The following BMP1 variants were observed in gnomAD, a reference collection of about 807,000 sequenced individuals.
The protein encoded by BMP1 is bone morphogenetic protein 1.
Under a neutral mutation model 116.8 loss-of-function variants are expected in BMP1, and 63 were observed. The observed-to-expected ratio is 0.54, with a 90% CI of 0.44 to 0.67. The LOEUF (loss-of-function observed/expected upper bound fraction) is 0.67. Ranked by LOEUF, BMP1 falls within the 30% of genes least tolerant of loss-of-function variation. BMP1 has a pLI of 0.00. For synonymous variants in BMP1, 536 were observed against 533.4 expected, an observed-to-expected ratio of 1.00 and a Z score of -0.07; for missense variants, 1,183 against 1,358.9, an observed-to-expected ratio of 0.87 and a Z score of 2.04.
chr8:22,200,510 C>T (rs1253697206), intron 15 of BMP1, among the ~76,000 whole-genome samples: 1 of 152,096 alleles, frequency 6.6e-6, no homozygotes, highest in Non-Finnish European at 1.5e-5. Context: ...AGTGAGGATG[C>T]GTATGTGGTT....
In BMP1 at chr8:22,177,210, G is replaced by C. The variant is rs1449234615; in HGVS notation, c.730+71G>C. ...CCAGCCCCCACCTCCAGGACCCCTG[G>C]GGGCAGTGGCAGCCGCTCCAGCCAG... On this transcript the variant is annotated intron_variant, in intron 5 of 19. Transcript: ENST00000306385. 3.4e-6 allele frequency: 5 copies of C among 1,457,074 alleles called. No individual in the cohort carries two copies. The African/African-American group carries it at 5.6e-5, about 16-fold the overall frequency. The allele number at this position is 1,457,074 out of a possible 1,614,324, so 90.3% of individuals were successfully genotyped here. A position where few individuals can be genotyped will look rare whatever the true frequency, so the allele number is the denominator to read the frequency against.
chr8:22,184,149 GGATGTACA>G (rs1450164582), intron 8 of BMP1, among the ~76,000 whole-genome samples: 3 of 152,212 alleles, frequency 2.0e-5, no homozygotes, highest in Admixed American at 6.5e-5. Context: ...CAGCCACCAG[GGATGTACA>G]GATGCACAAG....
chr8:22,179,915 C>T lies in BMP1; in HGVS notation c.961+86C>T, dbSNP rs1828563038. The T allele has an allele frequency of 7.2e-7, 1 of 1,396,434 alleles. No individual in the cohort carries two copies. The highest frequency in any genetic ancestry group is 2.4e-5 in the East Asian group (1 of 42,070). The allele number at this position is 1,396,434 out of a possible 1,614,324, so 86.5% of individuals were successfully genotyped here. On this transcript the variant is annotated intron_variant, in intron 7 of 19. Coordinates refer to ENST00000306385, the MANE Select transcript of BMP1 (RefSeq NM_006129.5). This position sits in a 1 kb window ranked among gnomAD's most constrained non-coding sequence, Gnocchi z 4.6. ...CAGGTGCCTGGTGCCACCAAGAAGG[C>T]TTAGGCTGCAAGTCTTAGAGAATGG...
chr8:22,174,899 G>A (rs1828389050), intron 2 of BMP1, among the ~76,000 whole-genome samples: 2 of 152,040 alleles, frequency 1.3e-5, no homozygotes. Context: ...CTCCCAAAGT[G>A]CTGGAATTAC....
rs746318138 is a variant in BMP1, at chr8:22,201,953, C to T, written c.2233+25C>T. 9 of 1,598,828 alleles carry T rather than the reference C, an allele frequency of 5.6e-6. No homozygotes were observed. The South Asian group carries it at 6.8e-5, about 12-fold the overall frequency. On this transcript the variant is annotated intron_variant, in intron 16 of 19. Transcript: ENST00000306385. ...GGTACGGGCTGCATGCCAGGGGCATCTGGGCTTGAAGGACCTGCTGCTGGG... is the reference window on the plus strand; with the variant it reads ...GGTACGGGCTGCATGCCAGGGGCATTTGGGCTTGAAGGACCTGCTGCTGGG...
At chr8:22,211,473 C>A in intron 19 of BMP1, 121 bp from the exon 20 acceptor site, 1 of 1,374,192 alleles carries the variant, frequency 7.3e-7, no homozygotes. Context: ...CTTCAAGGGG[C>A]GGGGAGAATC....
rs201334369 is a variant in BMP1, at chr8:22,176,325, A to G, written c.433+12A>G. ...GGGAAACTTCACTGGTGAGCGTGCT[A>G]TTGTGGGTCCCAGAGTGTAACCAGC... is the stretch of plus-strand genomic sequence containing the variant. On this transcript the variant is annotated intron_variant, in intron 3 of 19. Coordinates refer to ENST00000306385, the MANE Select transcript of BMP1 (RefSeq NM_006129.5). The G allele has an allele frequency of 4.7e-4, 751 of 1,583,708 alleles. 7 individuals are homozygous for G. Among genetic ancestry groups the G allele is most frequent in the South Asian group, 4.6e-3 (391 of 85,822 alleles).
In BMP1 at chr8:22,194,715, G is replaced by A. The variant is rs761796740; in HGVS notation, c.1444-9G>A. On this transcript the variant is annotated splice_polypyrimidine_tract_variant and intron_variant, in intron 11 of 19. Transcript: ENST00000306385. The surrounding 1 kb of genome is among the most constrained non-coding windows in gnomAD (Gnocchi z 4.5). ...GAGCCCCTTCCACTGATGAAGCCTC[G>A]ACCCCTAGATTGAGCGCCACGACAG... 8 of 1,597,216 alleles carry A rather than the reference G, an allele frequency of 5.0e-6. No homozygotes were observed. Among genetic ancestry groups the A allele is most frequent in the Admixed American group, 1.7e-5 (1 of 58,198 alleles).
chr8:22,182,516 C>G (rs1311220824), intron 8 of BMP1, among the ~76,000 whole-genome samples: 2 of 152,162 alleles, frequency 1.3e-5, no homozygotes, highest in African/African-American at 4.8e-5. Context: ...TGTCGTTGGC[C>G]CAGGAAGTGT....
intron 19 of BMP1, among the ~76,000 whole-genome samples, chr8:22,210,586 G>A (rs1361264462): frequency 6.6e-6 from 1 of 152,076 alleles, no homozygotes; most frequent in Non-Finnish European, 1.5e-5. Flanking sequence ...CAGCCTGGGT[G>A]CCCCAGGAAG....
Position 22,194,754 on chromosome 8 carries a change from T to C in BMP1, c.1474T>C (p.Tyr492His). 1 of 1,611,572 alleles carries C rather than the reference T, an allele frequency of 6.2e-7. No homozygotes were observed. Among genetic ancestry groups the C allele is most frequent in the Non-Finnish European group, 8.5e-7 (1 of 1,178,872 alleles). The change falls in exon 12 of 20, where the codon TAT becomes CAT. Residue 492 changes from tyrosine (Y) to histidine (H), a missense_variant. By Grantham distance (83) the Tyr-to-His change is moderately conservative. Transcript: ENST00000306385. The surrounding 1 kb of genome is among the most constrained non-coding windows in gnomAD (Gnocchi z 4.5). The part of the protein sequence containing the change: ...IERHDSCAYD[Y>H]LEVRDGHSES... ...GCGCCACGACAGCTGTGCCTACGAC[T>C]ATCTGGAGGTGCGCGACGGGCACAG...
At chr8:22,165,578 G>T in intron 1 of BMP1, 25 bp downstream of exon 1, 2 of 1,564,034 alleles carry the variant, frequency 1.3e-6, no homozygotes, top group Non-Finnish European at 1.7e-6. Flanking sequence ...GCCCCCCGGC[G>T]ACGGGCCAGG....
intron 1 of BMP1, among the ~76,000 whole-genome samples, chr8:22,168,391 C>T (rs995363868): frequency 2.6e-5 from 4 of 152,174 alleles, no homozygotes; most frequent in African/African-American, 2.4e-5. Context: ...CCAACACCCC[C>T]CCGGAGAGAC....
Position 22,188,416 on chromosome 8 carries a change from C to A in BMP1, c.1078-3633C>A, listed in dbSNP as rs78931992. On this transcript the variant is annotated intron_variant, in intron 8 of 19. Coordinates refer to ENST00000306385, the MANE Select transcript of BMP1 (RefSeq NM_006129.5). Reference sequence around the variant, plus strand: ...AACTCCTGAGCTCAAGCGATCCTTCCGCCTCAGTCACCCAAAGTGCTGGGA... The same window carrying A: ...AACTCCTGAGCTCAAGCGATCCTTCAGCCTCAGTCACCCAAAGTGCTGGGA... Among the ~76,000 whole-genome samples the A allele has an allele frequency of 3.3e-4, 50 of 152,218 alleles. No homozygotes were observed. In the South Asian group the frequency reaches 3.3e-3, roughly 10 times the overall value.
chr8:22,209,542 G>A lies in BMP1; in HGVS notation c.2673G>A (p.Glu891=). The A allele has an allele frequency of 6.2e-7, 1 of 1,614,238 alleles. No homozygotes were observed. Among genetic ancestry groups the A allele is most frequent in the Non-Finnish European group, 8.5e-7 (1 of 1,180,032 alleles). Residue 891 remains glutamate (E), a synonymous_variant, in exon 19 of 20, where the codon GAG becomes GAA. Transcript: ENST00000306385. ...DNNYPGGVDC[E]WVIVAEEGYG... ...ACTACCCTGGGGGTGTGGACTGTGA[G>A]TGGGTCATTGTGGCCGAGGAAGGCT...
chr8:22,171,155 C>T (rs4872360), intron 1 of BMP1: 106,760 of 152,114 alleles, frequency 0.7, 37,603 homozygotes, highest in Admixed American at 0.75. Context: ...GATGGCGATT[C>T]AAGTAAGAGT....
In BMP1 at chr8:22,199,435, A is replaced by AC. The variant is rs770652691; in HGVS notation, c.2107+2021dup. On this transcript the variant is annotated intron_variant, in intron 15 of 19. Transcript: ENST00000306385. ...GGCCCATGCCCACCTCCTCCACCCC[A>AC]CCCCCCTGCAACCTGCTCCCCCCAG... is the stretch of plus-strand genomic sequence containing the variant. 9 of 1,105,062 alleles carry AC rather than the reference A, an allele frequency of 8.1e-6. No individual in the cohort carries two copies. In the African/African-American group the frequency reaches 2.3e-4, roughly 28 times the overall value. The allele number at this position is 1,105,062 out of a possible 1,614,324, so 68.5% of individuals were successfully genotyped here.
At chr8:22,175,036 A>G (rs1466958143) in intron 2 of BMP1, among the ~76,000 whole-genome samples, 2 of 152,206 alleles carry the variant, frequency 1.3e-5, no homozygotes, top group Non-Finnish European at 2.9e-5. Context: ...CTTATGGAAT[A>G]AAGTACCCCA....
intron 8 of BMP1, among the ~76,000 whole-genome samples, chr8:22,183,581 G>T: frequency 6.8e-6 from 1 of 147,192 alleles, no homozygotes; most frequent in Non-Finnish European, 1.5e-5. Flanking sequence ...GATTGAGCAG[G>T]TATGTGTTAA....
Sources: gnomAD v4.1 joint callset for allele counts (sites outside exome capture counted in the v4.1 genomes callset) on GRCh38, gnomAD v4.1.1 for gene constraint, Gnocchi (gnomAD v3.1) non-coding constraint, MANE v1.5 for transcripts, NCBI Gene and HGNC (gene_info 2026-07-23, HGNC 2026-07-21) for gene names.